The following TBC1D5 variants were observed in gnomAD, a reference collection of about 807,000 sequenced individuals.
TBC1D5 encodes TBC1 domain family member 5.
Under a neutral mutation model 100.3 loss-of-function variants are expected in TBC1D5, and 75 were observed. The ratio of observed to expected loss-of-function variants is 0.75; its 90% CI spans 0.62 to 0.91. The LOEUF is 0.91. Ranked by LOEUF, TBC1D5 falls within the 40% of genes least tolerant of loss-of-function variation. TBC1D5 has a pLI of 0.00. For synonymous variants in TBC1D5, 323 were observed against 325.6 expected, an observed-to-expected ratio of 0.99 and a Z score of 0.09; for missense variants, 910 against 942.4, an observed-to-expected ratio of 0.97 and a Z score of 0.45.
rs1265515480 is a variant in TBC1D5 at position 17,340,410 on chromosome 3, A to T, written c.995+31665T>A. Among the ~76,000 whole-genome samples, 6 of 152,298 alleles carry T rather than the reference A, an allele frequency of 3.9e-5. No homozygotes were observed. The East Asian group carries it at 9.6e-4, about 24-fold the overall frequency. On this transcript the variant is annotated intron_variant, in intron 13 of 21. Coordinates refer to ENST00000253692, the Ensembl canonical transcript of TBC1D5. Reference sequence around the variant, plus strand: ...ATGAAGTAGGCTCACATATAATTCCAGCTACTACCACAGGCAGGGAGGTGG... The same window carrying T: ...ATGAAGTAGGCTCACATATAATTCCTGCTACTACCACAGGCAGGGAGGTGG...
In TBC1D5 at chr3:17,711,477, T is replaced by C. The variant is rs965566774; in HGVS notation, c.-101+27866A>G. Among the ~76,000 whole-genome samples, 5 of 152,294 alleles carry C rather than the reference T, an allele frequency of 3.3e-5. No individual in the cohort carries two copies. In the East Asian group the frequency reaches 9.6e-4, roughly 29 times the overall value. On this transcript the variant is annotated intron_variant, in intron 1 of 21. Transcript: ENST00000253692. ...TCTAATCTTCTGCCCCCCTCATACA[T>C]AGATAATCATTATCCCAAATTTTAT...
chr3:17,317,427 T>C (rs1014918223), intron 13 of TBC1D5, among the ~76,000 whole-genome samples: 1 of 152,156 alleles, frequency 6.6e-6, no homozygotes, highest in Non-Finnish European at 1.5e-5. Flanking sequence ...TTCATTACTT[T>C]GAGAATATGG....
chr3:17,475,465 T>C (rs73042831), intron 3 of TBC1D5, among the ~76,000 whole-genome samples: 23,677 of 152,098 alleles, frequency 0.16, 2,552 homozygotes, highest in East Asian at 0.49. Flanking sequence ...TAGTAAATGT[T>C]ATCACCTCTC....
intron 18 of TBC1D5, among the ~76,000 whole-genome samples, chr3:17,199,820 G>T (rs1008684881): frequency 3.3e-5 from 5 of 152,264 alleles, no homozygotes; most frequent in African/African-American, 1.2e-4. Flanking sequence ...TTTGTAGCAC[G>T]GACAAGGTAT....
intron 18 of TBC1D5, among the ~76,000 whole-genome samples, chr3:17,202,955 G>A (rs754641723): frequency 4.6e-5 from 7 of 152,224 alleles, no homozygotes; most frequent in African/African-American, 1.2e-4. Context: ...CAGAGTCTCC[G>A]CTGGGGCACT....
intron 13 of TBC1D5, among the ~76,000 whole-genome samples, chr3:17,325,574 G>A (rs1319503110): frequency 6.6e-6 from 1 of 152,028 alleles, no homozygotes; most frequent in Non-Finnish European, 1.5e-5. Context: ...CACCTGCCTT[G>A]GCCTCCCAAA....
chr3:17,174,080 A>T (rs1332810844), intron 19 of TBC1D5, among the ~76,000 whole-genome samples: 4 of 152,090 alleles, frequency 2.6e-5, no homozygotes, highest in Non-Finnish European at 5.9e-5. Flanking sequence ...TCTTCCCTAT[A>T]ATGACATGTC....
At chr3:17,308,235 G>C (rs2083606083) in intron 13 of TBC1D5, 101 bp from the exon 14 acceptor site, 2 of 1,130,408 alleles carry the variant, frequency 1.8e-6, no homozygotes, top group Non-Finnish European at 2.4e-6. Flanking sequence ...TGAACACAGT[G>C]AGCAAATATT....
Position 17,372,265 on chromosome 3 carries a change from G to C in TBC1D5, c.823-18C>G. The C allele has an allele frequency of 6.3e-7, 1 of 1,585,356 alleles. No individual in the cohort carries two copies. The highest frequency in any genetic ancestry group is 8.6e-7 in the Non-Finnish European group (1 of 1,165,830). On this transcript the variant is annotated intron_variant, in intron 12 of 21. Transcript: ENST00000253692. ...TCTTTCCCCTAAAAACAGAAAAATT[G>C]AACATGTATTATTTAAATATGAAAT...
chr3:17,386,063 G>C (rs1034134827), intron 8 of TBC1D5, among the ~76,000 whole-genome samples: 30 of 152,228 alleles, frequency 2.0e-4, no homozygotes, highest in African/African-American at 7.2e-4. Flanking sequence ...AGATAGGTAA[G>C]TAGTTAATAA....
At chr3:17,670,846 T>C (rs1184549245) in intron 1 of TBC1D5, among the ~76,000 whole-genome samples, 2 of 152,212 alleles carry the variant, frequency 1.3e-5, no homozygotes, top group Non-Finnish European at 2.9e-5. Flanking sequence ...AGTAATTTCC[T>C]TTCCAACCTA....
rs550497333 is a variant in TBC1D5 at position 17,477,071 on chromosome 3, A to G, written c.97+31403T>C. ...TAAATGTCCTTCTTCATATTAAAGA[A>G]GGTCTCCTCAATCCACAGTTTGTTA... is the stretch of plus-strand genomic sequence containing the variant. On this transcript the variant is annotated intron_variant, in intron 3 of 21. Transcript: ENST00000253692. Among the ~76,000 whole-genome samples the G allele has an allele frequency of 1.8e-4, 28 of 152,040 alleles. No homozygotes were observed. The South Asian group carries it at 2.5e-3, about 13-fold the overall frequency.
intron 13 of TBC1D5, among the ~76,000 whole-genome samples, chr3:17,341,387 G>A (rs1439983953): frequency 2.6e-5 from 4 of 151,956 alleles, no homozygotes; most frequent in Non-Finnish European, 4.4e-5. Flanking sequence ...TAGTAGAGAC[G>A]GGGTTTCACT....
At chr3:17,543,921 G>A (rs1157734110) in intron 2 of TBC1D5, among the ~76,000 whole-genome samples, 1 of 151,056 alleles carries the variant, frequency 6.6e-6, no homozygotes, top group Non-Finnish European at 1.5e-5. Context: ...AGGCTGGAGT[G>A]CAGTGGCGCG....
intron 3 of TBC1D5, among the ~76,000 whole-genome samples, chr3:17,448,038 T>G (rs949311033): frequency 6.6e-6 from 1 of 152,170 alleles, no homozygotes; most frequent in African/African-American, 2.4e-5. Flanking sequence ...AGTGTGCACC[T>G]GTAGTCTCAG....
intron 2 of TBC1D5, among the ~76,000 whole-genome samples, chr3:17,596,938 T>C (rs1332109611): frequency 6.6e-6 from 1 of 152,186 alleles, no homozygotes; most frequent in Admixed American, 6.5e-5. Flanking sequence ...CCTGATCTAT[T>C]GGCACACTAA....
At chr3:17,448,633 C>A (rs929147427) in intron 3 of TBC1D5, among the ~76,000 whole-genome samples, 3 of 152,202 alleles carry the variant, frequency 2.0e-5, no homozygotes, top group African/African-American at 2.4e-5. Flanking sequence ...GGTGCCTTAT[C>A]AAAGAGAAGT....
intron 8 of TBC1D5, among the ~76,000 whole-genome samples, chr3:17,390,414 G>A (rs1040560727): frequency 1.3e-5 from 2 of 152,114 alleles, no homozygotes; most frequent in Non-Finnish European, 2.9e-5. Flanking sequence ...AGAGTAAAAT[G>A]ATAAAGGGTT....
At chr3:17,487,937 A>G (rs527391791) in intron 3 of TBC1D5, among the ~76,000 whole-genome samples, 1 of 152,228 alleles carries the variant, frequency 6.6e-6, no homozygotes, top group Admixed American at 6.5e-5. Context: ...AACATCTTCC[A>G]TTAGTATAGT....
Sources: gnomAD v4.1 joint callset for allele counts (sites outside exome capture counted in the v4.1 genomes callset) on GRCh38, gnomAD v4.1.1 for gene constraint, MANE v1.5 for transcripts, NCBI Gene and HGNC (gene_info 2026-07-23, HGNC 2026-07-21) for gene names.